Variants in ZNF630 observed in about 807,000 individuals in gnomAD.
ZNF630 encodes dJ54B20.2 (novel KRAB box containing C2H2 type zinc finger protein).
Under a neutral mutation model 7.2 loss-of-function variants are expected in ZNF630, and 5 were observed. That is an observed-to-expected ratio of 0.70 (90% CI 0.36 to 1.46). ZNF630 has a LOEUF of 1.46. Among genes scored for constraint, ZNF630 ranks in the 40% most tolerant of loss-of-function variants. ZNF630 has a pLI of 0.03. For synonymous variants in ZNF630, 158 were observed against 162.8 expected (o/e 0.97, Z 0.23); for missense variants, 461 against 477.0 (o/e 0.97, Z 0.31).
At chrX:48,065,551 C>T (rs192331567) in intron 2 of ZNF630, among the ~76,000 whole-genome samples, 4 of 108,228 alleles carry the variant, frequency 3.7e-5, no homozygotes, top group African/African-American at 1.0e-4. Flanking sequence ...TACTTGGTGG[C>T]GGGCACTTGT....
intron 1 of ZNF630, among the ~76,000 whole-genome samples, chrX:48,070,154 A>G (rs191229158): frequency 0.049 from 5,282 of 107,654 alleles, 146 homozygotes; most frequent in African/African-American, 0.099. Flanking sequence ...CACCACGCCC[A>G]GCCGATATTG....
chrX:48,058,980 T>C lies in ZNF630; in HGVS notation c.1462A>G (p.Met488Val). 4.1e-6 allele frequency: 5 copies of C among 1,207,298 alleles called. No individual in the cohort carries two copies. The East Asian group carries it at 8.9e-5, about 21-fold the overall frequency. The change falls in exon 5 of 5, where the codon ATG (methionine) becomes GTG (valine). Residue 488 changes from methionine (M) to valine (V), a missense_variant. By Grantham distance (21) the Met-to-Val change is conservative (BLOSUM62 1). Coordinates refer to ENST00000276054, the MANE Select transcript of ZNF630 (RefSeq NM_001282201.2). ...QRLHTGEKPY[M>V]CTECGKSFSQ... ...AAGGATTTTCCACATTCAGTACACATATAAGGTTTCTCTCCAGTATGAAGT... is the reference window on the plus strand; with the variant it reads ...AAGGATTTTCCACATTCAGTACACACATAAGGTTTCTCTCCAGTATGAAGT...
intron 2 of ZNF630, 88 bp from the exon 3 acceptor site, chrX:48,061,033 C>T (rs2059103310): frequency 1.1e-6 from 1 of 893,394 alleles, no homozygotes; most frequent in South Asian, 3.6e-5. Context: ...GCACTTTGCC[C>T]AGCATACTTT....
chrX:48,060,801 C>A lies in ZNF630; in HGVS notation c.142+18G>T. On this transcript the variant is annotated intron_variant, in intron 3 of 4. Transcript: ENST00000276054. ...GAGGAGGATTTGATTCATTGGTACA[C>A]AGGGAATCTGCCCTTACCCACGGAG... 8.5e-7 allele frequency: 1 copy of A among 1,183,050 alleles called. No homozygotes were observed. The highest frequency in any genetic ancestry group is 1.1e-6 in the Non-Finnish European group (1 of 878,211).
chrX:48,067,946 A>T (rs781962435), intron 1 of ZNF630, among the ~76,000 whole-genome samples: 1 of 110,157 alleles, frequency 9.1e-6, no homozygotes, highest in African/African-American at 3.3e-5. Flanking sequence ...CTGTATTCCC[A>T]GCTACTAGGG....
Position 48,069,851 on chromosome X carries a change from T to TTG in ZNF630, c.-176+1415_-176+1416insCA, listed in dbSNP as rs1214195353. On this transcript the variant is annotated intron_variant, in intron 1 of 4. Coordinates refer to ENST00000276054, the MANE Select transcript of ZNF630 (RefSeq NM_001282201.2). ...CACAGGACATTGTCTGTTTTTTTTT[T>TTG]TTTTGTTTTTTGTTTTTTGTTTTTG... is the stretch of plus-strand genomic sequence containing the variant. Among the ~76,000 whole-genome samples the TTG allele has an allele frequency of 3.2e-3, 200 of 62,506 alleles. 2 individuals carry two copies. Among genetic ancestry groups the TTG allele is most frequent in the African/African-American group, 9.7e-3 (191 of 19,698 alleles). 54.3% of individuals were successfully genotyped at this position (62,506 alleles called of 115,157 possible).
intron 1 of ZNF630, among the ~76,000 whole-genome samples, chrX:48,067,955 G>A (rs1006930356): frequency 2.0e-4 from 22 of 109,827 alleles, no homozygotes; most frequent in Non-Finnish European, 3.8e-4. Flanking sequence ...CAGCTACTAG[G>A]GAGACTGAGA....
At chrX:48,061,822 A>G (rs1267947138) in intron 2 of ZNF630, 8 of 316,358 alleles carry the variant, frequency 2.5e-5, no homozygotes, top group Admixed American at 6.5e-5. Context: ...AAGTTTCCTG[A>G]GGCTTCCCCA....
chrX:48,068,191 GAAGGAAGGAAAGA>G (rs1336715983), intron 1 of ZNF630, among the ~76,000 whole-genome samples: 8 of 84,951 alleles, frequency 9.4e-5, no homozygotes, highest in African/African-American at 1.4e-4. Flanking sequence ...AGGAAGGAAG[GAAGGAAGGAAAGA>G]AAAGAAAAGA....
chrX:48,060,383 A>G, intron 4 of ZNF630, 67 bp downstream of exon 4: 1 of 1,070,679 alleles, frequency 9.3e-7, no homozygotes, highest in African/African-American at 1.9e-5. Flanking sequence ...GAAAAAAGGT[A>G]ACGGATGTCA....
At chrX:48,070,611 TAAAA>T (rs782104749) in intron 1 of ZNF630, among the ~76,000 whole-genome samples, 4 of 65,909 alleles carry the variant, frequency 6.1e-5, no homozygotes, top group Non-Finnish European at 2.8e-5. Context: ...AGACTTCGTC[TAAAA>T]AAAAAAAAAA....
At chrX:48,060,262 CACACACACACACACACACACACACAA>C in intron 4 of ZNF630, 59 bp from the exon 5 acceptor site, 2 of 882,655 alleles carry the variant, frequency 2.3e-6, no homozygotes, top group Non-Finnish European at 3.1e-6. Flanking sequence ...CACACACACA[CACACACACACACACACACACACACAA>C]AACAGTTGGC....
At chrX:48,066,735 C>G (rs1183016135) in intron 2 of ZNF630, 137 bp downstream of exon 2, 10 of 780,254 alleles carry the variant, frequency 1.3e-5, no homozygotes, top group African/African-American at 2.1e-5. Flanking sequence ...GAAGTAAGGC[C>G]AGGTGATCTG....
At chrX:48,060,651 A>G in intron 3 of ZNF630, 106 bp from the exon 4 acceptor site, 1 of 912,764 alleles carries the variant, frequency 1.1e-6, no homozygotes. Context: ...AACTCACACC[A>G]TAACATAAAA....
At chrX:48,061,006 T>C in intron 2 of ZNF630, 61 bp from the exon 3 acceptor site, 1 of 1,066,435 alleles carries the variant, frequency 9.4e-7, no homozygotes, top group Non-Finnish European at 1.3e-6. Flanking sequence ...TAGCAGTACA[T>C]GTAGGATGCC....
rs1556908996 is a variant in ZNF630, at chrX:48,060,439, T to G, written c.238+11A>C. ...GATGCCCGCTTGACCATGTACCCAA[T>G]TCTCACTTACCTGGGTAGATCCACC... is the stretch of plus-strand genomic sequence containing the variant. On this transcript the variant is annotated intron_variant, in intron 4 of 4. Coordinates refer to ENST00000276054, the MANE Select transcript of ZNF630 (RefSeq NM_001282201.2). The G allele has an allele frequency of 3.9e-5, 46 of 1,184,095 alleles. No individual in the cohort carries two copies. The highest frequency in any genetic ancestry group is 5.0e-5 in the Non-Finnish European group (44 of 876,939).
chrX:48,066,607 C>T, intron 2 of ZNF630: 1 of 368,844 alleles, frequency 2.7e-6, no homozygotes, highest in Non-Finnish European at 4.8e-6. Context: ...AGGAGCTGGA[C>T]TGATTTCTTT....
In ZNF630 at chrX:48,060,948, A is replaced by G. The variant is rs781792171; in HGVS notation, c.16-3T>C. The G allele has an allele frequency of 8.4e-7, 1 of 1,196,772 alleles. No homozygotes were observed. The highest frequency in any genetic ancestry group is 1.8e-5 in the South Asian group (1 of 54,420). ...ACATCCTCAAATGTCACTGGTTCCT[A>G]TAACAGCACATTCCTGTACAATCTG... On this transcript the variant is annotated splice_region_variant and splice_polypyrimidine_tract_variant and intron_variant, in intron 2 of 4. Coordinates refer to ENST00000276054, the MANE Select transcript of ZNF630 (RefSeq NM_001282201.2).
chrX:48,062,706 C>T (rs1368041712), intron 2 of ZNF630, among the ~76,000 whole-genome samples: 1 of 110,874 alleles, frequency 9.0e-6, no homozygotes, highest in Non-Finnish European at 1.9e-5. Context: ...TGCACTCAAG[C>T]CTGGGCGACA....
Sources: allele counts gnomAD v4.1 joint callset (sites outside exome capture counted in the v4.1 genomes callset), GRCh38; gene constraint gnomAD v4.1.1; transcripts MANE v1.5; gene names NCBI Gene and HGNC (gene_info 2026-07-23, HGNC 2026-07-21).